Variants in BAIAP2 observed in about 807,000 individuals in gnomAD.
The protein encoded by BAIAP2 is BAR/IMD domain containing adaptor protein 2.
A neutral mutation model predicts 63.0 loss-of-function variants in BAIAP2; 18 were observed. That is an observed-to-expected ratio of 0.29 (90% confidence interval 0.20 to 0.42). The LOEUF (loss-of-function observed/expected upper bound fraction) is 0.42. Among genes scored for constraint, BAIAP2 ranks in the 10% least tolerant of loss-of-function variants. The pLI, the probability that BAIAP2 is intolerant of heterozygous loss-of-function variation, is 1.00. For missense variants in BAIAP2, 610 were observed against 734.3 expected (o/e 0.83, Z 1.96); for synonymous variants, 386 against 307.6 (o/e 1.25, Z -2.67).
rs1414453756 is a variant in BAIAP2, at chr17:81,104,027, T to C, written c.985T>C (p.Ser329Pro). The change falls in exon 9 of 14, where the codon TCT (serine) becomes CCT (proline). Residue 329 changes from serine to proline, a missense_variant. This residue lies in a region of BAIAP2 where 389 missense variants were observed against 455.6 expected (regional missense o/e 0.85). Transcript: ENST00000428708. ...GCCCAAATCCCTGTCTCCTCCGCAGTCTCAGAGCAAGCTCAGCGACTCCTA... is the reference window on the plus strand; with the variant it reads ...GCCCAAATCCCTGTCTCCTCCGCAGCCTCAGAGCAAGCTCAGCGACTCCTA... ...AQPKSLSPPQSQSKLSDSYSN... is the reference protein window; with the variant it reads ...AQPKSLSPPQPQSKLSDSYSN... The C allele has an allele frequency of 2.5e-6, 4 of 1,613,240 alleles. No homozygotes were observed. The highest frequency in any genetic ancestry group is 3.4e-6 in the Non-Finnish European group (4 of 1,179,996).
In BAIAP2 at chr17:81,085,050, G is replaced by A. The variant is rs565931576; in HGVS notation, c.279+157G>A. ...CTGGCTCAGCACACAAGCCACACTC[G>A]AAGGAGGACGTCGGAGAAAAGGGCA... is the stretch of plus-strand genomic sequence containing the variant. On this transcript the variant is annotated intron_variant, in intron 4 of 13. Transcript: ENST00000428708. 313 of 746,998 alleles carry A rather than the reference G, an allele frequency of 4.2e-4. 4 individuals are homozygous for A. In the South Asian group the frequency reaches 4.8e-3, roughly 11 times the overall value. 46.3% of individuals were successfully genotyped at this position (746,998 alleles called of 1,614,324 possible).
chr17:81,106,589 G>A (rs576840832), intron 11 of BAIAP2, among the ~76,000 whole-genome samples, 156 bp from the exon 12 acceptor site: 8 of 152,334 alleles, frequency 5.3e-5, no homozygotes, highest in African/African-American at 1.7e-4. Flanking sequence ...AGACTGGCCC[G>A]GCCCATGGTC....
In BAIAP2 at chr17:81,046,711, G is replaced by C. The variant is rs1230062652; in HGVS notation, c.55-6957G>C. Among the ~76,000 whole-genome samples, 3 of 152,214 alleles carry C rather than the reference G, an allele frequency of 2.0e-5. No individual in the cohort carries two copies. Among genetic ancestry groups the C allele is most frequent in the Non-Finnish European group, 4.4e-5 (3 of 68,026 alleles). Reference sequence around the variant, plus strand: ...CGCGAGGACACTGTCCACTGCTGCAGGGCCCCTCCTGTACCTCCCTAGTCC... The same window carrying C: ...CGCGAGGACACTGTCCACTGCTGCACGGCCCCTCCTGTACCTCCCTAGTCC... On this transcript the variant is annotated intron_variant, in intron 1 of 13. Transcript: ENST00000428708. This position sits in a 1 kb window ranked among gnomAD's most constrained non-coding sequence, Gnocchi z 4.5.
intron 4 of BAIAP2, 48 bp from the exon 5 acceptor site, chr17:81,085,606 G>T (rs1469815916): frequency 4.6e-6 from 7 of 1,511,928 alleles, no homozygotes; most frequent in African/African-American, 1.4e-5. Context: ...CCTGTTCCGG[G>T]TCCATGTGTT....
At chr17:81,105,902 G>A (rs1283096297) in intron 10 of BAIAP2, 176 bp from the exon 11 acceptor site, 2 of 590,224 alleles carry the variant, frequency 3.4e-6, no homozygotes, top group Non-Finnish European at 6.0e-6. Context: ...TTGAGGCTGA[G>A]CACACAGTGG....
intron 3 of BAIAP2, among the ~76,000 whole-genome samples, chr17:81,077,429 G>A (rs1051283533): frequency 6.6e-6 from 1 of 152,052 alleles, no homozygotes; most frequent in South Asian, 2.1e-4. Flanking sequence ...TTAGCTGGGC[G>A]TGGTGGCGCA....
intron 10 of BAIAP2, 32 bp downstream of exon 10, chr17:81,104,747 G>A (rs1308346491): frequency 1.3e-6 from 2 of 1,533,128 alleles, no homozygotes; most frequent in Non-Finnish European, 1.8e-6. Flanking sequence ...GCTCCAGGCA[G>A]CCGCTGCCTT....
At chr17:81,084,526 A>G (rs941835170) in intron 3 of BAIAP2, among the ~76,000 whole-genome samples, 2 of 151,936 alleles carry the variant, frequency 1.3e-5, no homozygotes, top group Admixed American at 6.5e-5. Context: ...ACTGTCACTC[A>G]CTGTCACGCC....
intron 13 of BAIAP2, chr17:81,109,230 C>A: frequency 7.3e-7 from 1 of 1,370,422 alleles, no homozygotes; most frequent in South Asian, 1.8e-5. Flanking sequence ...TGTGTCCCAG[C>A]CTTTTGAGCA....
intron 13 of BAIAP2, among the ~76,000 whole-genome samples, chr17:81,115,380 C>T (rs1598880814): frequency 6.6e-6 from 1 of 152,224 alleles, no homozygotes; most frequent in African/African-American, 2.4e-5. Context: ...GGGGGAGCCA[C>T]CAAACTGGTG....
intron 2 of BAIAP2, chr17:81,057,420 C>G (rs2144295324): frequency 6.4e-6 from 1 of 155,518 alleles, no homozygotes; most frequent in African/African-American, 2.4e-5. Context: ...GCGTCCTGGT[C>G]TGAGACTGTG....
intron 7 of BAIAP2, among the ~76,000 whole-genome samples, chr17:81,102,735 G>C (rs1173702307): frequency 6.6e-6 from 1 of 152,108 alleles, no homozygotes; most frequent in Non-Finnish European, 1.5e-5. Context: ...GGATGAGTTG[G>C]GGGGAGCAGT....
At chr17:81,076,875 G>A (rs2053750657) in intron 3 of BAIAP2, among the ~76,000 whole-genome samples, 1 of 152,184 alleles carries the variant, frequency 6.6e-6, no homozygotes, top group East Asian at 1.9e-4. Flanking sequence ...AGAGGCTGGG[G>A]CCGGAGGATC....
At chr17:81,036,851 TTG>T in intron 1 of BAIAP2, 2 of 1,533,590 alleles carry the variant, frequency 1.3e-6, no homozygotes, top group Non-Finnish European at 1.7e-6. Context: ...TACGACTTGT[TTG>T]TGATTGCAGA....
Position 81,116,981 on chromosome 17 carries a change from A to G in BAIAP2, c.*1142A>G, listed in dbSNP as rs1362990458. 1 of 152,554 alleles carries G rather than the reference A, an allele frequency of 6.6e-6. No individual in the cohort carries two copies. The highest frequency in any genetic ancestry group is 2.4e-5 in the African/African-American group (1 of 41,436). 9.5% of individuals were successfully genotyped at this position (152,554 alleles called of 1,614,324 possible). A position where few individuals can be genotyped will look rare whatever the true frequency, so the allele number is the denominator to read the frequency against. ...TCCGCCTTCCACCCTGGGCCCAGGG[A>G]CAGACAGACATTGCCCTCAGAAGGG... On this transcript the variant is annotated 3_prime_UTR_variant, in exon 14 of 14. Transcript: ENST00000428708.
intron 1 of BAIAP2, among the ~76,000 whole-genome samples, chr17:81,052,318 T>A (rs1035136251): frequency 2.0e-5 from 3 of 152,246 alleles, no homozygotes; most frequent in South Asian, 2.1e-4. Context: ...TCGGGAGATG[T>A]TGGCTCTGTG....
At chr17:81,064,752 G>C (rs2051168861) in intron 3 of BAIAP2, among the ~76,000 whole-genome samples, 1 of 152,194 alleles carries the variant, frequency 6.6e-6, no homozygotes, top group Admixed American at 6.5e-5. Context: ...AGGCAGCCTC[G>C]GGCTTTGTGG....
intron 6 of BAIAP2, among the ~76,000 whole-genome samples, chr17:81,091,186 G>GCCCCACCCCACCCCACCCCACCCCA (rs113764466): frequency 1.8e-5 from 2 of 111,916 alleles, no homozygotes; most frequent in Non-Finnish European, 3.7e-5. Context: ...CATTTATGTG[G>GCCCCACCCCACCCCACCCCACCCCA]CCCCACCCCA....
chr17:81,043,821 C>T (rs1351363107), intron 1 of BAIAP2, among the ~76,000 whole-genome samples: 1 of 152,270 alleles, frequency 6.6e-6, no homozygotes, highest in Non-Finnish European at 1.5e-5. Flanking sequence ...GGCCCTCTGG[C>T]TCTCCAGCCG....
Sources: allele counts gnomAD v4.1 joint callset (sites outside exome capture counted in the v4.1 genomes callset), GRCh38; gene constraint gnomAD v4.1.1; regional missense constraint gnomAD v4.1.1; non-coding constraint Gnocchi (gnomAD v3.1); transcripts MANE v1.5; gene names NCBI Gene and HGNC (gene_info 2026-07-23, HGNC 2026-07-21).